Variants in SV2B observed in about 807,000 individuals in gnomAD.
SV2B encodes the protein synaptic vesicle glycoprotein 2B.
A neutral mutation model predicts 73.9 loss-of-function variants in SV2B; 41 were observed. The ratio of observed to expected loss-of-function variants is 0.56; its 90% CI spans 0.43 to 0.72. The LOEUF is 0.72. Ranked by LOEUF, SV2B falls within the 30% of genes least tolerant of loss-of-function variation. The probability of loss-of-function intolerance (pLI) is 0.00; values close to 1 mark genes in which losing one functional copy is unlikely to be tolerated. For missense variants in SV2B, 764 were observed against 857.8 expected, an observed-to-expected ratio of 0.89 and a Z score of 1.37; for synonymous variants, 314 against 314.2, an observed-to-expected ratio of 1.00 and a Z score of 0.01.
In SV2B at chr15:91,226,427, ACCC is replaced by A; in HGVS notation, c.165_167del (p.His55_Pro56delinsGln). 5 of 1,614,180 alleles carry A rather than the reference ACCC, an allele frequency of 3.1e-6. No individual in the cohort carries two copies. Among genetic ancestry groups the A allele is most frequent in the Non-Finnish European group, 4.2e-6 (5 of 1,180,016 alleles). On this transcript the variant is annotated inframe_deletion, in exon 2 of 13. Coordinates refer to ENST00000394232, the MANE Select transcript of SV2B (RefSeq NM_001323032.3). ...GAGGGCGAGTACCAGGGTATCCCTC[ACCC>A]AGATGATGTCAAGGCCAAGCAGGCC...
At chr15:91,170,399 T>C (rs920929304) in intron 1 of SV2B, among the ~76,000 whole-genome samples, 2 of 152,226 alleles carry the variant, frequency 1.3e-5, no homozygotes, top group Admixed American at 6.5e-5. Context: ...GTGATTCTCC[T>C]GCCTCAGCCT....
rs528947067 is a variant in SV2B, at chr15:91,263,261, G to A, written c.1008+2852G>A. Among the ~76,000 whole-genome samples the A allele has an allele frequency of 2.9e-4, 34 of 117,740 alleles. 1 individual carries two copies. The highest frequency in any genetic ancestry group is 1.5e-3 in the African/African-American group (26 of 17,906). 77.2% of individuals were successfully genotyped at this position (117,740 alleles called of 152,430 possible). The stretch of plus-strand genomic sequence containing the variant: ...AGACAAACAGACACAGGAACACACG[G>A]ACACAGACACATGGACACACATGAA... On this transcript the variant is annotated intron_variant, in intron 6 of 12. Transcript: ENST00000394232.
At chr15:91,134,387 C>T (rs896415157) in intron 1 of SV2B, among the ~76,000 whole-genome samples, 3 of 152,178 alleles carry the variant, frequency 2.0e-5, no homozygotes, top group Non-Finnish European at 4.4e-5. Flanking sequence ...AATTCAGAAT[C>T]CATTCAAGAC....
chr15:91,126,393 A>G (rs563383854), intron 1 of SV2B, among the ~76,000 whole-genome samples: 1 of 152,348 alleles, frequency 6.6e-6, no homozygotes, highest in East Asian at 1.9e-4. Flanking sequence ...CTCTCCTTGC[A>G]GATAAGTAAA....
chr15:91,149,229 G>T (rs762790591), intron 1 of SV2B, among the ~76,000 whole-genome samples: 4 of 152,236 alleles, frequency 2.6e-5, no homozygotes, highest in African/African-American at 9.6e-5. Flanking sequence ...GAGGATGCCT[G>T]CAGGCAAAGC....
At position 91,123,514 on chromosome 15, in the gene SV2B, T is replaced by C. The variant is rs1312875226; in HGVS notation, c.-392+23151T>C. Among the ~76,000 whole-genome samples the C allele has an allele frequency of 6.6e-6, 1 of 152,172 alleles. No homozygotes were observed. On this transcript the variant is annotated intron_variant, in intron 1 of 12. Transcript: ENST00000394232. This position sits in a 1 kb window ranked among gnomAD's most constrained non-coding sequence, Gnocchi z 4.7. Reference sequence around the variant, plus strand: ...GGCCATAAAACCACAGAGCCTGCACTTGGGTACCCCGGGAGAACTTAGGGA... The same window carrying C: ...GGCCATAAAACCACAGAGCCTGCACCTGGGTACCCCGGGAGAACTTAGGGA...
rs144349221 is a variant in SV2B, at chr15:91,154,543, T to C, written c.-392+54180T>C. Among the ~76,000 whole-genome samples, 1,026 of 152,324 alleles carry C rather than the reference T, an allele frequency of 6.7e-3. 9 individuals carry two copies. Among genetic ancestry groups the C allele is most frequent in the African/African-American group, 0.023 (965 of 41,580 alleles). On this transcript the variant is annotated intron_variant, in intron 1 of 12. Transcript: ENST00000394232. ...TCAGCGTCTGTCCATGTCCTCCTGC[T>C]GTGGGATGAATATGACCTTATTTAG...
chr15:91,297,596 G>C lies in SV2B; in HGVS notation c.*5044G>C, dbSNP rs2049296702. 6.6e-6 allele frequency: 1 copy of C among 152,100 alleles called. No individual in the cohort carries two copies. The highest frequency in any genetic ancestry group is 1.9e-4 in the East Asian group (1 of 5,194). 9.4% of individuals were successfully genotyped at this position (152,100 alleles called of 1,614,324 possible). ...TGACATAGATGGCATCAATTCTCAA[G>C]CCATATTTTGAGTAGCACTGACACT... On this transcript the variant is annotated 3_prime_UTR_variant, in exon 13 of 13. Coordinates refer to ENST00000394232, the MANE Select transcript of SV2B (RefSeq NM_001323032.3). This position sits in a 1 kb window ranked among gnomAD's most constrained non-coding sequence, Gnocchi z 5.1.
At chr15:91,133,924 C>T (rs1292736507) in intron 1 of SV2B, among the ~76,000 whole-genome samples, 3 of 151,460 alleles carry the variant, frequency 2.0e-5, no homozygotes, top group Non-Finnish European at 4.4e-5. Context: ...GGGCTTTTTG[C>T]AGGATGCTTA....
intron 2 of SV2B, among the ~76,000 whole-genome samples, chr15:91,235,812 T>G (rs1482429894): frequency 6.6e-6 from 1 of 152,200 alleles, no homozygotes; most frequent in African/African-American, 2.4e-5. Context: ...TGATCAAGAT[T>G]TAATCAAAGA....
rs114492781 is a variant in SV2B, at chr15:91,127,223, G to A, written c.-392+26860G>A. Among the ~76,000 whole-genome samples, 683 of 152,240 alleles carry A rather than the reference G, an allele frequency of 4.5e-3. 6 individuals are homozygous for A. The highest frequency in any genetic ancestry group is 0.015 in the African/African-American group (615 of 41,536). On this transcript the variant is annotated intron_variant, in intron 1 of 12. Transcript: ENST00000394232. ...TGGATATTCACAAAATGTTCTTTTTGCTTTCTTCCCTCTGGGATGCTTAGC... is the reference window on the plus strand; with the variant it reads ...TGGATATTCACAAAATGTTCTTTTTACTTTCTTCCCTCTGGGATGCTTAGC...
intron 1 of SV2B, among the ~76,000 whole-genome samples, chr15:91,138,632 C>A (rs2042913349): frequency 6.6e-6 from 1 of 152,086 alleles, no homozygotes. Context: ...ATTCCCAAAA[C>A]AATATAGTAT....
chr15:91,188,656 G>A (rs868476942), intron 1 of SV2B, among the ~76,000 whole-genome samples: 1 of 151,940 alleles, frequency 6.6e-6, no homozygotes, highest in Non-Finnish European at 1.5e-5. Flanking sequence ...CATTTGAATA[G>A]TGTAGGTTAC....
intron 1 of SV2B, among the ~76,000 whole-genome samples, chr15:91,183,905 C>T (rs1018216640): frequency 4.6e-5 from 7 of 152,076 alleles, no homozygotes; most frequent in African/African-American, 1.4e-4. Flanking sequence ...GTCATCTGCT[C>T]GTCGTTTCTA....
rs537371241 is a variant in SV2B, at chr15:91,179,170, C to T, written c.-391-46703C>T. Reference sequence around the variant, plus strand: ...TATGTACCCAGTAGTCATTCAGGAGCAGATTGTTCAGTTTCCATGTAGTTG... The same window carrying T: ...TATGTACCCAGTAGTCATTCAGGAGTAGATTGTTCAGTTTCCATGTAGTTG... On this transcript the variant is annotated intron_variant, in intron 1 of 12. Coordinates refer to ENST00000394232, the MANE Select transcript of SV2B (RefSeq NM_001323032.3). Among the ~76,000 whole-genome samples, 6 of 152,186 alleles carry T rather than the reference C, an allele frequency of 3.9e-5. No homozygotes were observed. The South Asian group carries it at 1.2e-3, about 32-fold the overall frequency.
Position 91,268,726 on chromosome 15 carries a change from GTCA to G in SV2B, c.1373+128_1373+130del. The G allele has an allele frequency of 7.7e-7, 1 of 1,306,972 alleles. No individual in the cohort carries two copies. Among genetic ancestry groups the G allele is most frequent in the Non-Finnish European group, 1.0e-6 (1 of 964,362 alleles). 81.0% of individuals were successfully genotyped at this position (1,306,972 alleles called of 1,614,324 possible). A position where few individuals can be genotyped will look rare whatever the true frequency, so the allele number is the denominator to read the frequency against. Reference sequence around the variant, plus strand: ...GCCGGGAATGAGCGCCAAGGCTGGTGTCATCATCACAACCTGTCATGGCTGCCA... The same window carrying G: ...GCCGGGAATGAGCGCCAAGGCTGGTGTCATCACAACCTGTCATGGCTGCCA... On this transcript the variant is annotated intron_variant, in intron 9 of 12. Transcript: ENST00000394232. The surrounding 1 kb of genome is among the most constrained non-coding windows in gnomAD (Gnocchi z 4.4).
chr15:91,285,516 A>G (rs1166908109), intron 11 of SV2B, among the ~76,000 whole-genome samples: 1 of 152,214 alleles, frequency 6.6e-6, no homozygotes, highest in African/African-American at 2.4e-5. Context: ...AGCAGAAGAC[A>G]CTACAGGTTG....
At chr15:91,183,929 C>T (rs1358271977) in intron 1 of SV2B, among the ~76,000 whole-genome samples, 1 of 151,586 alleles carries the variant, frequency 6.6e-6, no homozygotes, top group African/African-American at 2.4e-5. Flanking sequence ...GTCTTATTTT[C>T]ACAACTTGCT....
At chr15:91,251,233 A>G (rs958966807) in intron 2 of SV2B, among the ~76,000 whole-genome samples, 12 of 152,250 alleles carry the variant, frequency 7.9e-5, no homozygotes, top group African/African-American at 2.9e-4. Flanking sequence ...TTGCGTTGAG[A>G]AAACTGGATA....
Sources: gnomAD v4.1 joint callset for allele counts (sites outside exome capture counted in the v4.1 genomes callset) on GRCh38, gnomAD v4.1.1 for gene constraint, Gnocchi (gnomAD v3.1) non-coding constraint, MANE v1.5 for transcripts, NCBI Gene and HGNC (gene_info 2026-07-23, HGNC 2026-07-21) for gene names.